The following AP3S2 variants were observed in gnomAD, a reference collection of about 807,000 sequenced individuals.
The protein encoded by AP3S2 is adaptor related protein complex 3 subunit sigma 2.
In AP3S2, 22 loss-of-function variants were observed where a neutral mutation model predicts 23.4. The observed-to-expected ratio is 0.94, with a 90% CI of 0.67 to 1.34. The LOEUF (loss-of-function observed/expected upper bound fraction) is 1.34, where lower values mean the gene tolerates loss of function less well. Among genes scored for constraint, AP3S2 ranks in the 40% most tolerant of loss-of-function variants. The pLI is 0.00. For missense variants in AP3S2, 241 were observed against 236.9 expected (o/e 1.02, Z -0.11); for synonymous variants, 86 against 87.1 (o/e 0.99, Z 0.07).
At chr15:89,844,209 C>CTCTTTCTTTCTTTCTTTCTTTCTT (rs71151535) in intron 4 of AP3S2, among the ~76,000 whole-genome samples, 1 of 129,108 alleles carries the variant, frequency 7.7e-6, no homozygotes, top group African/African-American at 2.7e-5. Flanking sequence ...TTCTTTCTTT[C>CTCTTTCTTTCTTTCTTTCTTTCTT]TCTTTCTTTC....
In AP3S2 at chr15:89,882,160, T is replaced by A. The variant is rs1896585385; in HGVS notation, c.273+6361A>T. Among the ~76,000 whole-genome samples, 3 of 152,140 alleles carry A rather than the reference T, an allele frequency of 2.0e-5. No individual in the cohort carries two copies. The South Asian group carries it at 6.2e-4, about 31-fold the overall frequency. ...TAAATATCTATCTAGCAACATGCAT[T>A]ATGATTAGAAATATTAATTCCCTTT... On this transcript the variant is annotated intron_variant, in intron 3 of 5. Coordinates refer to ENST00000336418, the MANE Select transcript of AP3S2 (RefSeq NM_005829.5).
chr15:89,857,022 G>GT (rs1895857308), intron 4 of AP3S2, among the ~76,000 whole-genome samples: 1 of 152,172 alleles, frequency 6.6e-6, no homozygotes, highest in Admixed American at 6.5e-5. Context: ...TTCCAAAGGC[G>GT]TTTACAATCT....
At chr15:89,851,931 C>T (rs1362178496) in intron 4 of AP3S2, among the ~76,000 whole-genome samples, 2 of 152,148 alleles carry the variant, frequency 1.3e-5, no homozygotes, top group Non-Finnish European at 2.9e-5. Flanking sequence ...AGAAAAAGAT[C>T]CAGACCTTGT....
Position 89,835,533 on chromosome 15 carries a change from G to T in AP3S2, c.564C>A (p.Asn188Lys), listed in dbSNP as rs150664928. The change falls in exon 6 of 6, where the codon AAC becomes AAA. Residue 188 changes from asparagine to lysine, a missense_variant. Transcript: ENST00000336418. ...TTGATCCTCAGACAAACTGGGACAG[G>T]TTGGGAACTTTGATGTTGAGATCGC... ...NIGDLNIKVPNLSQFV is the reference protein window; with the variant it reads ...NIGDLNIKVPKLSQFV The T allele has an allele frequency of 2.6e-5, 42 of 1,613,924 alleles. No individual in the cohort carries two copies. Among genetic ancestry groups the T allele is most frequent in the Non-Finnish European group, 3.6e-5 (42 of 1,179,974 alleles).
chr15:89,891,533 C>T (rs1266837382), intron 1 of AP3S2, among the ~76,000 whole-genome samples: 2 of 151,906 alleles, frequency 1.3e-5, no homozygotes, highest in Non-Finnish European at 2.9e-5. Flanking sequence ...GTCGTGGGCA[C>T]CTGTAATCCT....
Position 89,832,478 on chromosome 15 carries a change from C to T in AP3S2, c.*3037G>A, listed in dbSNP as rs894351068. 12 of 140,142 alleles carry T rather than the reference C, an allele frequency of 8.6e-5. No individual in the cohort carries two copies. Among genetic ancestry groups the T allele is most frequent in the Admixed American group, 6.3e-4 (8 of 12,670 alleles). 8.7% of individuals were successfully genotyped at this position (140,142 alleles called of 1,614,324 possible). A position where few individuals can be genotyped will look rare whatever the true frequency, so the allele number is the denominator to read the frequency against. ...AGGAAAGCCTAGTATTCTATACAAC[C>T]TTAACCTATTTTTTTTTTTTTTTTT... On this transcript the variant is annotated 3_prime_UTR_variant, in exon 6 of 6. Transcript: ENST00000336418.
chr15:89,849,596 T>G (rs1384648093), intron 4 of AP3S2, among the ~76,000 whole-genome samples: 2 of 152,136 alleles, frequency 1.3e-5, no homozygotes, highest in African/African-American at 2.4e-5. Context: ...CTCGATCTCC[T>G]GACCTAGTGA....
intron 4 of AP3S2, among the ~76,000 whole-genome samples, chr15:89,858,523 GAGAAAGAA>G (rs58144640): frequency 0.016 from 863 of 53,172 alleles, 4 homozygotes; most frequent in Non-Finnish European, 0.023. Context: ...GAGAGAGAGA[GAGAAAGAA>G]AGAAAGAAAG....
At chr15:89,878,696 G>GA (rs1208390028) in intron 3 of AP3S2, among the ~76,000 whole-genome samples, 1 of 152,048 alleles carries the variant, frequency 6.6e-6, no homozygotes, top group Non-Finnish European at 1.5e-5. Flanking sequence ...AAGTAGCTGA[G>GA]AATCACAGAT....
chr15:89,851,724 A>C (rs1240163029), intron 4 of AP3S2, among the ~76,000 whole-genome samples: 1 of 152,182 alleles, frequency 6.6e-6, no homozygotes, highest in Non-Finnish European at 1.5e-5. Context: ...ACTGCAGTAA[A>C]GTATACTCAC....
At chr15:89,858,355 T>A (rs1172257293) in intron 4 of AP3S2, among the ~76,000 whole-genome samples, 1 of 151,706 alleles carries the variant, frequency 6.6e-6, no homozygotes, top group African/African-American at 2.4e-5. Flanking sequence ...GCAGGAGAAT[T>A]GCTTGAACCC....
At chr15:89,865,795 TCAAAA>T (rs1213694312) in intron 4 of AP3S2, 1 of 152,186 alleles carries the variant, frequency 6.6e-6, no homozygotes, top group African/African-American at 2.4e-5. Context: ...AGCTCCAAAC[TCAAAA>T]CAATCTAATT....
rs549280024 is a variant in AP3S2 at position 89,889,392 on chromosome 15, A to G, written c.70-252T>C. On this transcript the variant is annotated intron_variant, in intron 1 of 5. Coordinates refer to ENST00000336418, the MANE Select transcript of AP3S2 (RefSeq NM_005829.5). ...CTAAGTCACTAACCATTACTGTCCT[A>G]TAGGTAAGCTGATATTTAAACAAGA... 655 of 425,136 alleles carry G rather than the reference A, an allele frequency of 1.5e-3. 2 individuals are homozygous for G. The highest frequency in any genetic ancestry group is 1.9e-3 in the Non-Finnish European group (452 of 232,498). The allele number at this position is 425,136 out of a possible 1,614,324, so 26.3% of individuals were successfully genotyped here. A position where few individuals can be genotyped will look rare whatever the true frequency, so the allele number is the denominator to read the frequency against.
intron 4 of AP3S2, among the ~76,000 whole-genome samples, chr15:89,849,399 C>T (rs1895579470): frequency 6.6e-6 from 1 of 151,886 alleles, no homozygotes; most frequent in Admixed American, 6.6e-5. Flanking sequence ...TGGAGTCTCA[C>T]TCTGTCGCTC....
chr15:89,855,551 AG>A (rs1186834191), intron 4 of AP3S2, among the ~76,000 whole-genome samples: 3 of 143,014 alleles, frequency 2.1e-5, no homozygotes, highest in Non-Finnish European at 4.6e-5. Flanking sequence ...AAAAAAAAAA[AG>A]AATGGACTTT....
Position 89,889,121 on chromosome 15 carries a change from T to G in AP3S2, c.89A>C (p.Gln30Pro). ...YQRFPEEIQQ[Q>P]IVRETFHLVL... is the part of the protein sequence containing the mutation. ...TAGATGGAAAGTCTCTCGAACAATC[T>G]GCTGTTGAATTTCTTCTGGCTATGA... Residue 30 changes from glutamine (Q) to proline (P), a missense_variant, in exon 2 of 6, where the codon CAG (glutamine) becomes CCG (proline). Gln to Pro is a moderately conservative substitution (Grantham distance 76). Coordinates refer to ENST00000336418, the MANE Select transcript of AP3S2 (RefSeq NM_005829.5). The G allele has an allele frequency of 6.2e-7, 1 of 1,614,198 alleles. No homozygotes were observed. Among genetic ancestry groups the G allele is most frequent in the Non-Finnish European group, 8.5e-7 (1 of 1,180,028 alleles).
At chr15:89,840,433 A>T (rs761414868) in intron 4 of AP3S2, among the ~76,000 whole-genome samples, 2 of 152,006 alleles carry the variant, frequency 1.3e-5, no homozygotes, top group Non-Finnish European at 2.9e-5. Flanking sequence ...TATTATTATT[A>T]CTATTATTAT....
At chr15:89,884,709 G>A (rs56171612) in intron 3 of AP3S2, among the ~76,000 whole-genome samples, 36,928 of 150,536 alleles carry the variant, frequency 0.25, 4,998 homozygotes, top group South Asian at 0.34. Flanking sequence ...GTGCAGTGGC[G>A]CAATCTCGGC....
At chr15:89,884,034 A>G (rs1301463138) in intron 3 of AP3S2, 2 of 154,064 alleles carry the variant, frequency 1.3e-5, no homozygotes, top group African/African-American at 4.8e-5. Flanking sequence ...TCTGGTCCCA[A>G]ACATTTCAAA....
Sources: allele counts gnomAD v4.1 joint callset (sites outside exome capture counted in the v4.1 genomes callset), GRCh38; gene constraint gnomAD v4.1.1; transcripts MANE v1.5; gene names NCBI Gene and HGNC (gene_info 2026-07-23, HGNC 2026-07-21).